The following COL5A1 variants were observed in gnomAD, a reference collection of about 807,000 sequenced individuals.
The protein encoded by COL5A1 is collagen alpha-1(V) chain.
In COL5A1, 16 loss-of-function variants were observed where a neutral mutation model predicts 263.7. The ratio of observed to expected loss-of-function variants is 0.06; its 90% CI spans 0.04 to 0.09. COL5A1 has a LOEUF of 0.09. COL5A1 is among the 10% of genes least tolerant of loss of function. The probability of loss-of-function intolerance (pLI) is 1.00; values close to 1 mark genes in which losing one functional copy is unlikely to be tolerated. For missense variants in COL5A1, 2,036 were observed against 2,540.5 expected, an observed-to-expected ratio of 0.80 and a Z score of 4.27; for synonymous variants, 1,012 against 1,004.5, an observed-to-expected ratio of 1.01 and a Z score of -0.14.
intron 2 of COL5A1, among the ~76,000 whole-genome samples, chr9:134,692,583 C>T (rs12338780): frequency 0.17 from 25,748 of 152,088 alleles, 2,463 homozygotes; most frequent in Middle Eastern, 0.25. Flanking sequence ...GTGTGTGACA[C>T]GCTGAGGGGC....
chr9:134,694,044 G>A (rs1833376968), intron 2 of COL5A1, among the ~76,000 whole-genome samples: 1 of 152,236 alleles, frequency 6.6e-6, no homozygotes, highest in South Asian at 2.1e-4. Context: ...GCAAGGCCTG[G>A]GCTGTGGGGA....
rs1833070323 is a variant in COL5A1, at chr9:134,686,049, A to G, written c.110-4863A>G. ...TCATCCATCTATCCACCATTCATTTATCCACTATCCATCCATTCATCCGTC... is the reference window on the plus strand; with the variant it reads ...TCATCCATCTATCCACCATTCATTTGTCCACTATCCATCCATTCATCCGTC... On this transcript the variant is annotated intron_variant, in intron 1 of 65. Coordinates refer to ENST00000371817, the MANE Select transcript of COL5A1 (RefSeq NM_000093.5). The surrounding 1 kb of genome is among the most constrained non-coding windows in gnomAD (Gnocchi z 4.6). 6.6e-6 allele frequency among the ~76,000 whole-genome samples: 1 copy of G among 152,038 alleles called. No homozygotes were observed. Among genetic ancestry groups the G allele is most frequent in the Non-Finnish European group, 1.5e-5 (1 of 68,016 alleles).
intron 4 of COL5A1, chr9:134,708,426 G>GT (rs1283265896): frequency 2.4e-6 from 1 of 408,844 alleles, no homozygotes; most frequent in Non-Finnish European, 4.8e-6. Flanking sequence ...TCCCGGGGTG[G>GT]GGGCTCTGGT....
In COL5A1 at chr9:134,678,102, G is replaced by A. The variant is rs1040578329; in HGVS notation, c.110-12810G>A. The stretch of plus-strand genomic sequence containing the variant: ...TCACTCCCTCCGCAGCAGGGTATCT[G>A]CAGGGGTCTTGGAGGCATTCTCCCA... On this transcript the variant is annotated intron_variant, in intron 1 of 65. Coordinates refer to ENST00000371817, the MANE Select transcript of COL5A1 (RefSeq NM_000093.5). The surrounding 1 kb of genome is among the most constrained non-coding windows in gnomAD (Gnocchi z 5.5). Among the ~76,000 whole-genome samples the A allele has an allele frequency of 1.3e-5, 2 of 152,220 alleles. No individual in the cohort carries two copies. The highest frequency in any genetic ancestry group is 4.8e-5 in the African/African-American group (2 of 41,468).
At position 134,716,670 on chromosome 9, in the gene COL5A1, C is replaced by T. The variant is rs762633084; in HGVS notation, c.655-10596C>T. On this transcript the variant is annotated intron_variant, in intron 4 of 65. Coordinates refer to ENST00000371817, the MANE Select transcript of COL5A1 (RefSeq NM_000093.5). The surrounding 1 kb of genome is among the most constrained non-coding windows in gnomAD (Gnocchi z 4.5). The stretch of plus-strand genomic sequence containing the variant: ...TGGTCTAGAGATGAGGCCCCCTCTC[C>T]GAGTTTGCTGAGCTGACCCTTCAGT... Among the ~76,000 whole-genome samples, 3 of 152,142 alleles carry T rather than the reference C, an allele frequency of 2.0e-5. No individual in the cohort carries two copies. Among genetic ancestry groups the T allele is most frequent in the Non-Finnish European group, 2.9e-5 (2 of 68,034 alleles).
At chr9:134,725,137 G>C (rs1388425671) in intron 4 of COL5A1, among the ~76,000 whole-genome samples, 1 of 152,166 alleles carries the variant, frequency 6.6e-6, no homozygotes, top group African/African-American at 2.4e-5. Flanking sequence ...CAGGACCGGA[G>C]CACCTGGACA....
chr9:134,800,180 T>C (rs1047659578), intron 37 of COL5A1, among the ~76,000 whole-genome samples: 1 of 152,244 alleles, frequency 6.6e-6, no homozygotes, highest in Non-Finnish European at 1.5e-5. Flanking sequence ...AAGGTCATAT[T>C]CTGTCCTCAA....
At chr9:134,706,760 C>A (rs1050200253) in intron 4 of COL5A1, among the ~76,000 whole-genome samples, 4 of 152,228 alleles carry the variant, frequency 2.6e-5, no homozygotes, top group African/African-American at 7.2e-5. Context: ...GTTCTCCTAG[C>A]CCTCCCCGCA....
intron 1 of COL5A1, among the ~76,000 whole-genome samples, chr9:134,674,450 G>C (rs1052414964): frequency 6.6e-6 from 1 of 152,162 alleles, no homozygotes; most frequent in African/African-American, 2.4e-5. Context: ...ACAGAAAAAA[G>C]ATGAGTGAGG....
intron 18 of COL5A1, among the ~76,000 whole-genome samples, chr9:134,760,023 C>T (rs1490999246): frequency 1.5e-5 from 2 of 131,560 alleles, no homozygotes; most frequent in Non-Finnish European, 3.2e-5. Flanking sequence ...CATGCACACA[C>T]ACCCACGCAC....
chr9:134,733,737 C>T (rs1181979985), intron 9 of COL5A1, among the ~76,000 whole-genome samples: 1 of 152,242 alleles, frequency 6.6e-6, no homozygotes, highest in Non-Finnish European at 1.5e-5. Context: ...CTGTTCTGCT[C>T]TGCCCAAGGG....
At chr9:134,737,939 A>G (rs1835162094) in intron 9 of COL5A1, among the ~76,000 whole-genome samples, 1 of 152,030 alleles carries the variant, frequency 6.6e-6, no homozygotes, top group African/African-American at 2.4e-5. Flanking sequence ...GCATGGGAGG[A>G]TGCACCTCTT....
At chr9:134,731,935 C>T in intron 8 of COL5A1, 136 bp from the exon 9 acceptor site, 2 of 1,062,580 alleles carry the variant, frequency 1.9e-6, no homozygotes, top group Non-Finnish European at 2.9e-6. Context: ...CTCCTGCCAT[C>T]CTCCTGGGCC....
chr9:134,700,875 T>G lies in COL5A1; in HGVS notation c.492-296T>G, dbSNP rs974472425. 9.9e-5 allele frequency among the ~76,000 whole-genome samples: 15 copies of G among 152,140 alleles called. No individual in the cohort carries two copies. Among genetic ancestry groups the G allele is most frequent in the Non-Finnish European group, 4.4e-5 (3 of 68,026 alleles). On this transcript the variant is annotated intron_variant, in intron 3 of 65. Coordinates refer to ENST00000371817, the MANE Select transcript of COL5A1 (RefSeq NM_000093.5). The surrounding 1 kb of genome is among the most constrained non-coding windows in gnomAD (Gnocchi z 4.0). Reference sequence around the variant, plus strand: ...ACCACACTCCTGGGTCCCGAGCCAGTGCCGAGTGCTGTGTGCTCCCCCTTC... The same window carrying G: ...ACCACACTCCTGGGTCCCGAGCCAGGGCCGAGTGCTGTGTGCTCCCCCTTC...
intron 54 of COL5A1, 115 bp downstream of exon 54, chr9:134,817,946 C>A: frequency 9.1e-7 from 1 of 1,095,340 alleles, no homozygotes; most frequent in Non-Finnish European, 1.4e-6. Flanking sequence ...AGAGTGGCTG[C>A]CCCAGGGGCA....
intron 1 of COL5A1, among the ~76,000 whole-genome samples, chr9:134,683,339 C>G (rs1163702854): frequency 6.6e-6 from 1 of 152,148 alleles, no homozygotes; most frequent in Non-Finnish European, 1.5e-5. Flanking sequence ...GAGCCCGTCG[C>G]GGGCTGATCA....
At chr9:134,685,253 ACCATCCATCCATTAAGTCAT>A (rs1364374500) in intron 1 of COL5A1, among the ~76,000 whole-genome samples, 2 of 114,932 alleles carry the variant, frequency 1.7e-5, no homozygotes, top group African/African-American at 3.4e-5. Context: ...CCATCCATCC[ACCATCCATCCATTAAGTCAT>A]CCATCCATCC....
intron 11 of COL5A1, among the ~76,000 whole-genome samples, chr9:134,744,531 ACACT>A (rs1835412695): frequency 6.6e-6 from 1 of 150,548 alleles, no homozygotes; most frequent in Admixed American, 6.6e-5. Context: ...CCATACATGC[ACACT>A]CACACCCACA....
intron 31 of COL5A1, among the ~76,000 whole-genome samples, chr9:134,786,762 C>T (rs1837473388): frequency 6.6e-6 from 1 of 152,132 alleles, no homozygotes; most frequent in African/African-American, 2.4e-5. Flanking sequence ...TAACCAGCTG[C>T]CTGCACTGGA....
Sources: allele counts gnomAD v4.1 joint callset (sites outside exome capture counted in the v4.1 genomes callset), GRCh38; gene constraint gnomAD v4.1.1; non-coding constraint Gnocchi (gnomAD v3.1); transcripts MANE v1.5; gene names NCBI Gene and HGNC (gene_info 2026-07-23, HGNC 2026-07-21).